The following PDS5A variants were observed in gnomAD, a reference collection of about 807,000 sequenced individuals.
PDS5A encodes the protein sister chromatid cohesion protein PDS5 homolog A.
PDS5A carries 42 observed loss-of-function variants against 167.1 expected under a neutral mutation model. The ratio of observed to expected loss-of-function variants is 0.25; its 90% CI spans 0.20 to 0.33. PDS5A has a LOEUF of 0.33. Ranked by LOEUF, PDS5A falls within the 10% of genes least tolerant of loss-of-function variation. The probability of loss-of-function intolerance (pLI) is 1.00; values close to 1 mark genes in which losing one functional copy is unlikely to be tolerated. For missense variants in PDS5A, 1,033 were observed against 1,605.9 expected, an observed-to-expected ratio of 0.64 and a Z score of 6.10; for synonymous variants, 553 against 554.6, an observed-to-expected ratio of 1.00 and a Z score of 0.04.
intron 26 of PDS5A, among the ~76,000 whole-genome samples, chr4:39,855,870 T>A (rs1237137482): frequency 1.3e-5 from 2 of 152,062 alleles, no homozygotes; most frequent in African/African-American, 4.8e-5. Context: ...ACATTAGACA[T>A]CATGGAATTT....
chr4:39,945,496 T>C (rs148210895), intron 2 of PDS5A, among the ~76,000 whole-genome samples: 1,599 of 147,618 alleles, frequency 0.011, 30 homozygotes, highest in African/African-American at 0.038. Flanking sequence ...ATGCAGGCAA[T>C]GTAGCTAGTC....
chr4:39,838,249 A>T, intron 31 of PDS5A, 41 bp from the exon 32 acceptor site: 1 of 1,294,462 alleles, frequency 7.7e-7, no homozygotes, highest in Non-Finnish European at 1.0e-6. Context: ...CAAATTCCTT[A>T]AATATTAATG....
At chr4:39,879,598 A>C in intron 18 of PDS5A, 130 bp downstream of exon 18, 1 of 542,402 alleles carries the variant, frequency 1.8e-6, no homozygotes, top group South Asian at 3.0e-5. Flanking sequence ...TACATCATCT[A>C]ATTTCCAACA....
Position 39,825,158 on chromosome 4 carries a change from C to T in PDS5A, c.*327G>A, listed in dbSNP as rs541606924. On this transcript the variant is annotated 3_prime_UTR_variant, in exon 33 of 33. Coordinates refer to ENST00000303538, the MANE Select transcript of PDS5A (RefSeq NM_001100399.2). ...CAGCGTGGAAATTAATGGTGTATTA[C>T]GCATTTAAACTCCAGATAGGCAGGA... The T allele has an allele frequency of 3.6e-5, 9 of 250,976 alleles. No homozygotes were observed. The South Asian group carries it at 5.0e-4, about 14-fold the overall frequency. The allele number at this position is 250,976 out of a possible 1,614,324, so 15.5% of individuals were successfully genotyped here.
chr4:39,840,365 C>CG (rs1716877508), intron 31 of PDS5A, among the ~76,000 whole-genome samples: 1 of 152,154 alleles, frequency 6.6e-6, no homozygotes, highest in South Asian at 2.1e-4. Context: ...TCGTCAAGCA[C>CG]GGCTCACGCC....
chr4:39,836,795 C>T (rs1320077126), intron 32 of PDS5A, among the ~76,000 whole-genome samples: 1 of 139,568 alleles, frequency 7.2e-6, no homozygotes, highest in Non-Finnish European at 1.6e-5. Flanking sequence ...TGTTTTTACA[C>T]ACATGCTTCA....
intron 30 of PDS5A, among the ~76,000 whole-genome samples, chr4:39,844,273 G>A (rs6813270): frequency 0.32 from 48,265 of 151,912 alleles, 8,422 homozygotes; most frequent in Middle Eastern, 0.44. Context: ...TCAGGAGTTC[G>A]AGACCAGCCT....
chr4:39,843,809 A>C (rs940049366), intron 30 of PDS5A, among the ~76,000 whole-genome samples: 2 of 152,124 alleles, frequency 1.3e-5, no homozygotes, highest in African/African-American at 4.8e-5. Flanking sequence ...ATATATTAAT[A>C]GTTTCAAAGT....
Position 39,958,336 on chromosome 4 carries a change from G to A in PDS5A, c.138+18104C>T, listed in dbSNP as rs183686317. 1.5e-3 allele frequency among the ~76,000 whole-genome samples: 228 copies of A among 151,738 alleles called. 1 individual carries two copies. Among genetic ancestry groups the A allele is most frequent in the Non-Finnish European group, 2.2e-3 (152 of 67,918 alleles). ...AGCCTGGCCAACATGGTGAAACCCC[G>A]CCTCTACTAAAATTACAAAATTTAA... On this transcript the variant is annotated intron_variant, in intron 2 of 32. Transcript: ENST00000303538.
At chr4:39,967,625 C>T (rs372041336) in intron 2 of PDS5A, among the ~76,000 whole-genome samples, 7 of 149,624 alleles carry the variant, frequency 4.7e-5, no homozygotes, top group African/African-American at 7.4e-5. Flanking sequence ...CCAGCCTGGG[C>T]GACAGAGCAA....
intron 2 of PDS5A, among the ~76,000 whole-genome samples, chr4:39,934,564 T>C (rs957186430): frequency 2.6e-5 from 4 of 152,232 alleles, no homozygotes; most frequent in African/African-American, 9.6e-5. Context: ...GATTGTGTTT[T>C]AATACCCTCT....
At chr4:39,936,404 A>G (rs148139360) in intron 2 of PDS5A, among the ~76,000 whole-genome samples, 6 of 151,944 alleles carry the variant, frequency 3.9e-5, no homozygotes, top group African/African-American at 1.4e-4. Context: ...TGCTAGAATA[A>G]CTCACAGAAC....
At chr4:39,922,487 GTTATT>G (rs1239788017) in intron 6 of PDS5A, 130 bp downstream of exon 6, 1 of 661,948 alleles carries the variant, frequency 1.5e-6, no homozygotes, top group Non-Finnish European at 2.2e-6. Context: ...ACTAATGCAT[GTTATT>G]TTATTTGAGG....
intron 19 of PDS5A, among the ~76,000 whole-genome samples, chr4:39,874,847 A>G (rs1720333020): frequency 6.6e-6 from 1 of 152,206 alleles, no homozygotes; most frequent in South Asian, 2.1e-4. Flanking sequence ...CTGAAATAAT[A>G]CTAGTGAAAG....
intron 9 of PDS5A, among the ~76,000 whole-genome samples, chr4:39,912,469 T>C (rs1355824319): frequency 4.6e-5 from 7 of 152,390 alleles, no homozygotes; most frequent in Non-Finnish European, 1.0e-4. Context: ...ATTTAGTTAT[T>C]CAACTATTTA....
At chr4:39,865,673 G>A (rs938358206) in intron 23 of PDS5A, among the ~76,000 whole-genome samples, 20 of 152,310 alleles carry the variant, frequency 1.3e-4, no homozygotes, top group African/African-American at 4.1e-4. Flanking sequence ...TTATAGGCAC[G>A]TACCACCACA....
chr4:39,901,778 G>A (rs997867813), intron 13 of PDS5A, among the ~76,000 whole-genome samples: 5 of 151,602 alleles, frequency 3.3e-5, no homozygotes, highest in East Asian at 1.9e-4. Flanking sequence ...GTGTATTTTT[G>A]ACAAAAATTA....
intron 32 of PDS5A, 66 bp from the exon 33 acceptor site, chr4:39,825,554 G>A: frequency 8.9e-7 from 1 of 1,117,906 alleles, no homozygotes; most frequent in Non-Finnish European, 1.3e-6. Context: ...AAACGAAAAT[G>A]ATTTCATTTC....
At chr4:39,958,554 C>G (rs905660416) in intron 2 of PDS5A, among the ~76,000 whole-genome samples, 4 of 150,052 alleles carry the variant, frequency 2.7e-5, no homozygotes, top group African/African-American at 7.3e-5. Context: ...TAAGCCTTAC[C>G]TAACCCTAAC....
Sources: allele counts gnomAD v4.1 joint callset (sites outside exome capture counted in the v4.1 genomes callset), GRCh38; gene constraint gnomAD v4.1.1; transcripts MANE v1.5; gene names NCBI Gene and HGNC (gene_info 2026-07-23, HGNC 2026-07-21).